HUWE1: variants seen among roughly 807,000 people sequenced by gnomAD.
HUWE1 encodes HECT, UBA and WWE domain containing E3 ubiquitin protein ligase 1, also known as E3 ubiquitin-protein ligase HUWE1.
Under a neutral mutation model 299.4 loss-of-function variants are expected in HUWE1, and 18 were observed. The observed-to-expected ratio is 0.06, with a 90% CI of 0.04 to 0.09. The LOEUF (loss-of-function observed/expected upper bound fraction) is 0.09, where lower values mean the gene tolerates loss of function less well. Ranked by LOEUF, HUWE1 falls within the 10% of genes least tolerant of loss-of-function variation. The pLI is 1.00. For synonymous variants in HUWE1, 1,317 were observed against 1,286.1 expected, an observed-to-expected ratio of 1.02 and a Z score of -0.51; for missense variants, 1,832 against 3,462.3, an observed-to-expected ratio of 0.53 and a Z score of 11.82.
intron 25 of HUWE1, among the ~76,000 whole-genome samples, chrX:53,607,314 C>A (rs2065202635): frequency 8.9e-6 from 1 of 112,005 alleles, no homozygotes; most frequent in Admixed American, 9.4e-5. Context: ...ACATACCCAA[C>A]CGATGAACAA....
chrX:53,566,772 T>A (rs1252546977), intron 49 of HUWE1, among the ~76,000 whole-genome samples: 2 of 111,813 alleles, frequency 1.8e-5, no homozygotes, highest in Non-Finnish European at 3.8e-5. Flanking sequence ...TGACGTGATG[T>A]GAGAAGGGCA....
In HUWE1 at chrX:53,551,347, C is replaced by T. The variant is rs145503240; in HGVS notation, c.9015G>A (p.Ala3005=). 120 of 1,207,736 alleles carry T rather than the reference C, an allele frequency of 9.9e-5. No individual in the cohort carries two copies. Among genetic ancestry groups the T allele is most frequent in the Middle Eastern group, 6.9e-4 (3 of 4,349 alleles). Residue 3005 remains alanine (A), a synonymous_variant, in exon 64 of 84, where the codon GCG becomes GCA. Transcript: ENST00000262854. Reference sequence around the variant, plus strand: ...CACCAGGATTCCCCACCACTGCAGGCGCTGAGCTATTTGTGGAGGGGGCAG... The same window carrying T: ...CACCAGGATTCCCCACCACTGCAGGTGCTGAGCTATTTGTGGAGGGGGCAG... ...TRTAPSTNSS[A]PAVVGNPGVT...
intron 29 of HUWE1, among the ~76,000 whole-genome samples, chrX:53,596,426 C>A (rs782720988): frequency 8.9e-6 from 1 of 112,351 alleles, no homozygotes; most frequent in East Asian, 2.8e-4. Context: ...ATAAAATATA[C>A]ACAAATTATA....
intron 81 of HUWE1, 30 bp downstream of exon 81, chrX:53,535,351 GAGC>G (rs1209866412): frequency 1.1e-6 from 1 of 904,617 alleles, no homozygotes; most frequent in Non-Finnish European, 1.6e-6. Flanking sequence ...TTCTCATATT[GAGC>G]AACTAGAGGT....
intron 29 of HUWE1, among the ~76,000 whole-genome samples, chrX:53,599,604 C>G (rs1328750694): frequency 8.9e-6 from 1 of 112,290 alleles, no homozygotes; most frequent in Non-Finnish European, 1.9e-5. Context: ...TATAAAACAC[C>G]TATCAGACTA....
At chrX:53,586,446 A>G in intron 39 of HUWE1, 44 bp downstream of exon 39, 1 of 901,016 alleles carries the variant, frequency 1.1e-6, no homozygotes, top group Non-Finnish European at 1.6e-6. Context: ...CTCTTGCCTC[A>G]GGAAGCTAAA....
intron 23 of HUWE1, 129 bp downstream of exon 23, chrX:53,614,405 G>T: frequency 1.8e-6 from 1 of 561,461 alleles, no homozygotes; most frequent in Non-Finnish European, 3.1e-6. Context: ...TCTTAGAACC[G>T]GTTAGAACTT....
intron 3 of HUWE1, among the ~76,000 whole-genome samples, chrX:53,669,007 A>T (rs1557048526): frequency 1.8e-5 from 2 of 112,614 alleles, no homozygotes; most frequent in African/African-American, 6.5e-5. Flanking sequence ...AGGCCATGCC[A>T]CTTAATCAAA....
At chrX:53,625,829 A>G (rs782066723) in intron 17 of HUWE1, 72 of 128,329 alleles carry the variant, frequency 5.6e-4, no homozygotes, top group Admixed American at 1.3e-3. Context: ...GGCCGGGACC[A>G]GGACCGGGGC....
rs782751503 is a variant in HUWE1 at position 53,580,915 on chromosome X, C to T, written c.5632G>A (p.Ala1878Thr). 6 of 1,209,292 alleles carry T rather than the reference C, an allele frequency of 5.0e-6. No individual in the cohort carries two copies. The highest frequency in any genetic ancestry group is 6.7e-6 in the Non-Finnish European group (6 of 894,814). The change falls in exon 43 of 84, where the codon GCA becomes ACA. Residue 1878 changes from alanine (A) to threonine (T), a missense_variant. This residue lies in a region of HUWE1 where 50 missense variants were observed against 114.9 expected (regional missense o/e 0.44). Coordinates refer to ENST00000262854, the MANE Select transcript of HUWE1 (RefSeq NM_031407.7). ...NYILRVLGPAACRNPDIFTEV... is the reference protein window; with the variant it reads ...NYILRVLGPATCRNPDIFTEV... Reference sequence around the variant, plus strand: ...GTGAATATGTCTGGATTGCGGCATGCGGCTGGCCCAAGGACACGAAGGATG... The same window carrying T: ...GTGAATATGTCTGGATTGCGGCATGTGGCTGGCCCAAGGACACGAAGGATG...
At position 53,604,898 on chromosome X, in the gene HUWE1, AAT is replaced by A. The variant is rs2065070705; in HGVS notation, c.2497-66_2497-65del. ...GAACTTCAAATTCATCATGTCTTTT[AAT>A]AGTCACAATGGAAGTGACAATTAAA... On this transcript the variant is annotated intron_variant, in intron 25 of 83. Coordinates refer to ENST00000262854, the MANE Select transcript of HUWE1 (RefSeq NM_031407.7). The A allele has an allele frequency of 3.8e-6, 4 of 1,039,030 alleles. No homozygotes were observed. In the Admixed American group the frequency reaches 8.9e-5, roughly 23 times the overall value. 85.6% of individuals were successfully genotyped at this position (1,039,030 alleles called of 1,213,427 possible). A position where few individuals can be genotyped will look rare whatever the true frequency, so the allele number is the denominator to read the frequency against.
intron 7 of HUWE1, among the ~76,000 whole-genome samples, chrX:53,635,665 T>TACTTATATTCTA (rs782010890): frequency 4.5e-5 from 5 of 111,899 alleles, no homozygotes; most frequent in Admixed American, 9.5e-5. Context: ...CACAAAATGC[T>TACTTATATTCTA]ACTTATATTC....
chrX:53,594,960 A>G (rs2148499384), intron 30 of HUWE1, among the ~76,000 whole-genome samples: 1 of 111,786 alleles, frequency 8.9e-6, no homozygotes, highest in South Asian at 3.8e-4. Flanking sequence ...GATACTACCT[A>G]TATAAGACCA....
rs370156091 is a variant in HUWE1, at chrX:53,541,409, G to A, written c.11476+1034C>T. 2.7e-4 allele frequency among the ~76,000 whole-genome samples: 30 copies of A among 109,700 alleles called. No individual in the cohort carries two copies. In the East Asian group the frequency reaches 6.6e-3, roughly 24 times the overall value. Reference sequence around the variant, plus strand: ...TTGAAATCAGCCTGGCCAATGTGGCGAAACCCTGTCTCTACTAAAAATACA... The same window carrying A: ...TTGAAATCAGCCTGGCCAATGTGGCAAAACCCTGTCTCTACTAAAAATACA... On this transcript the variant is annotated intron_variant, in intron 74 of 83. Coordinates refer to ENST00000262854, the MANE Select transcript of HUWE1 (RefSeq NM_031407.7).
intron 12 of HUWE1, 106 bp downstream of exon 12, chrX:53,630,829 T>C: frequency 1.9e-6 from 1 of 527,173 alleles, no homozygotes; most frequent in East Asian, 3.5e-5. Flanking sequence ...AGTTGCTACC[T>C]AGGTAACTAT....
intron 3 of HUWE1, among the ~76,000 whole-genome samples, chrX:53,671,441 C>A (rs2069523500): frequency 9.0e-6 from 1 of 111,601 alleles, no homozygotes; most frequent in African/African-American, 3.3e-5. Flanking sequence ...AAAGTGTGAA[C>A]ACAGCAAACT....
At position 53,562,820 on chromosome X, in the gene HUWE1, G is replaced by A. The variant is rs782050916; in HGVS notation, c.7204+11C>T. The A allele has an allele frequency of 2.2e-5, 26 of 1,199,584 alleles. No homozygotes were observed. The highest frequency in any genetic ancestry group is 2.5e-4 in the Middle Eastern group (1 of 4,027). ...CAAGAAGGGAGGCCTTTCTGGCCTC[G>A]GCACTCTCACCTTCTCGGTTGGCCT... On this transcript the variant is annotated intron_variant, in intron 53 of 83. Coordinates refer to ENST00000262854, the MANE Select transcript of HUWE1 (RefSeq NM_031407.7).
chrX:53,581,134 ATTTTAT>A lies in HUWE1; in HGVS notation c.5521-114_5521-109del, dbSNP rs781840396. On this transcript the variant is annotated intron_variant, in intron 42 of 83. Coordinates refer to ENST00000262854, the MANE Select transcript of HUWE1 (RefSeq NM_031407.7). Reference sequence around the variant, plus strand: ...AGCTTTTGATTTTGGGGAGAATGACATTTTATTTTTAAGTCCCGTCCCATCCCTTCT... The same window carrying A: ...AGCTTTTGATTTTGGGGAGAATGACATTTTAAGTCCCGTCCCATCCCTTCT... 8.5e-4 allele frequency: 587 copies of A among 693,505 alleles called. No homozygotes were observed. The African/African-American group carries it at 0.011, about 13-fold the overall frequency. The allele number at this position is 693,505 out of a possible 1,213,427, so 57.2% of individuals were successfully genotyped here. A position where few individuals can be genotyped will look rare whatever the true frequency, so the allele number is the denominator to read the frequency against.
intron 82 of HUWE1, 51 bp downstream of exon 82, chrX:53,534,465 G>A (rs781852454): frequency 6.1e-5 from 66 of 1,083,593 alleles, no homozygotes; most frequent in African/African-American, 1.3e-4. Flanking sequence ...ACAAACTAGC[G>A]TTGCCTAGGG....
Sources: gnomAD v4.1 joint callset for allele counts (sites outside exome capture counted in the v4.1 genomes callset) on GRCh38, gnomAD v4.1.1 for gene constraint, gnomAD v4.1.1 regional missense constraint, MANE v1.5 for transcripts, NCBI Gene and HGNC (gene_info 2026-07-23, HGNC 2026-07-21) for gene names.